The following PGM5 variants were observed in gnomAD, a reference collection of about 807,000 sequenced individuals.
The protein encoded by PGM5 is phosphoglucomutase 5.
Under a neutral mutation model 59.2 loss-of-function variants are expected in PGM5, and 23 were observed. The observed-to-expected ratio is 0.39, with a 90% CI of 0.28 to 0.55. PGM5 has a LOEUF of 0.55. PGM5 is among the 20% of genes least tolerant of loss of function. The pLI, the probability that PGM5 is intolerant of heterozygous loss-of-function variation, is 0.66. For missense variants in PGM5, 574 were observed against 748.3 expected (o/e 0.77, Z 2.72); for synonymous variants, 214 against 286.0 (o/e 0.75, Z 2.54).
intron 6 of PGM5, among the ~76,000 whole-genome samples, chr9:68,444,581 C>A (rs1189409950): frequency 6.6e-6 from 1 of 152,198 alleles, no homozygotes; most frequent in Non-Finnish European, 1.5e-5. Context: ...TTCCCCCATT[C>A]TCACTTCACT....
intron 6 of PGM5, among the ~76,000 whole-genome samples, chr9:68,404,755 G>A (rs1357896703): frequency 1.3e-5 from 2 of 152,162 alleles, no homozygotes; most frequent in Admixed American, 6.5e-5. Flanking sequence ...CTCCTTGTAA[G>A]TTGATGCCTG....
chr9:68,443,021 C>T (rs1203671053), intron 6 of PGM5, among the ~76,000 whole-genome samples: 1 of 152,162 alleles, frequency 6.6e-6, no homozygotes, highest in Non-Finnish European at 1.5e-5. Context: ...AGATGCTTAC[C>T]ATATGACCCT....
At chr9:68,484,602 A>C (rs1190147881) in intron 9 of PGM5, among the ~76,000 whole-genome samples, 2 of 151,732 alleles carry the variant, frequency 1.3e-5, no homozygotes, top group Admixed American at 1.3e-4. Context: ...AAAAAACAAA[A>C]AAAAAAACAA....
chr9:68,527,138 T>A (rs1046271435), intron 10 of PGM5, among the ~76,000 whole-genome samples: 4 of 152,176 alleles, frequency 2.6e-5, no homozygotes, highest in Non-Finnish European at 4.4e-5. Context: ...TCTCTGGTGT[T>A]TACAGTATTT....
intron 7 of PGM5, among the ~76,000 whole-genome samples, chr9:68,474,188 C>T (rs1283442732): frequency 6.6e-6 from 1 of 152,102 alleles, no homozygotes; most frequent in Non-Finnish European, 1.5e-5. Flanking sequence ...TTTTTAAAAT[C>T]TCCTTGGGTG....
intron 3 of PGM5, 113 bp downstream of exon 3, chr9:68,384,657 C>G (rs2132001428): frequency 1.5e-6 from 1 of 675,368 alleles, no homozygotes. Flanking sequence ...TCAGGGGTGA[C>G]TCGATAAATG....
rs1188498321 is a variant in PGM5 at position 68,437,950 on chromosome 9, A to G, written c.1044-27143A>G. 1.3e-5 allele frequency among the ~76,000 whole-genome samples: 2 copies of G among 152,022 alleles called. No individual in the cohort carries two copies. Among genetic ancestry groups the G allele is most frequent in the African/African-American group, 4.8e-5 (2 of 41,362 alleles). On this transcript the variant is annotated intron_variant, in intron 6 of 10. Coordinates refer to ENST00000396396, the MANE Select transcript of PGM5 (RefSeq NM_021965.4). The surrounding 1 kb of genome is among the most constrained non-coding windows in gnomAD (Gnocchi z 4.1). ...TATCCAGCTGGCTGCTTTACCACAC[A>G]TCACGTGCTTGGCTCATGGAGACAT...
chr9:68,493,283 A>G (rs1457081812), intron 9 of PGM5, among the ~76,000 whole-genome samples: 2 of 152,244 alleles, frequency 1.3e-5, no homozygotes, highest in Non-Finnish European at 2.9e-5. Context: ...TTAAAATTAA[A>G]AAAATAGTAA....
chr9:68,469,172 C>T (rs1226202855), intron 7 of PGM5, among the ~76,000 whole-genome samples: 1 of 152,216 alleles, frequency 6.6e-6, no homozygotes, highest in Non-Finnish European at 1.5e-5. Context: ...CCCACCTTGG[C>T]CTCCGAAAGT....
intron 1 of PGM5, among the ~76,000 whole-genome samples, chr9:68,376,733 C>T (rs568766364): frequency 4.0e-5 from 6 of 151,644 alleles, no homozygotes; most frequent in South Asian, 2.1e-4. Context: ...GGTTCTTATT[C>T]GGTAGGCCTT....
chr9:68,470,832 G>T (rs926470590), intron 7 of PGM5, among the ~76,000 whole-genome samples: 1 of 152,164 alleles, frequency 6.6e-6, no homozygotes, highest in South Asian at 2.1e-4. Context: ...TCTCTGTGGG[G>T]CTATTTGAAA....
At chr9:68,475,891 T>G (rs1436916056) in intron 7 of PGM5, among the ~76,000 whole-genome samples, 7 of 152,126 alleles carry the variant, frequency 4.6e-5, no homozygotes, top group Non-Finnish European at 8.8e-5. Flanking sequence ...CATGGTGGTG[T>G]GCACCTTGAG....
At position 68,529,685 on chromosome 9, in the gene PGM5, AAG is replaced by A. The variant is rs765235674; in HGVS notation, c.*34_*35del. 7.1e-7 allele frequency: 1 copy of A among 1,408,258 alleles called. No individual in the cohort carries two copies. Among genetic ancestry groups the A allele is most frequent in the South Asian group, 1.2e-5 (1 of 80,672 alleles). The allele number at this position is 1,408,258 out of a possible 1,614,324, so 87.2% of individuals were successfully genotyped here. ...GAGGAAAGATCACTCACCAGGGCCAAAGAGAGTGCTCAGCGGGAGATGCTTCA... is the reference window on the plus strand; with the variant it reads ...GAGGAAAGATCACTCACCAGGGCCAAAGAGTGCTCAGCGGGAGATGCTTCA... On this transcript the variant is annotated 3_prime_UTR_variant, in exon 11 of 11. Transcript: ENST00000396396.
chr9:68,362,859 CTTTTTCT>C (rs1834605069), intron 1 of PGM5, among the ~76,000 whole-genome samples: 4 of 134,658 alleles, frequency 3.0e-5, no homozygotes, highest in African/African-American at 1.1e-4. Flanking sequence ...CTGACTTTTT[CTTTTTCT>C]TTTTTTTTTT....
At chr9:68,374,695 A>AT (rs1563983784) in intron 1 of PGM5, among the ~76,000 whole-genome samples, 2 of 151,268 alleles carry the variant, frequency 1.3e-5, no homozygotes, top group African/African-American at 4.9e-5. Flanking sequence ...TCTTCAAGGT[A>AT]TTTTTTCCAG....
chr9:68,506,116 T>TAA (rs1554689003), intron 10 of PGM5, among the ~76,000 whole-genome samples: 2 of 152,230 alleles, frequency 1.3e-5, no homozygotes, highest in East Asian at 3.8e-4. Flanking sequence ...GCTGCCTCCT[T>TAA]ACATAATTTA....
chr9:68,402,451 T>C (rs1468933004), intron 6 of PGM5: 2 of 152,266 alleles, frequency 1.3e-5, no homozygotes, highest in South Asian at 2.1e-4. Flanking sequence ...TAGAGGTTTG[T>C]ATTTACTAGA....
Position 68,446,597 on chromosome 9 carries a change from C to T in PGM5, c.1044-18496C>T, listed in dbSNP as rs782747689. 3.3e-5 allele frequency among the ~76,000 whole-genome samples: 5 copies of T among 152,206 alleles called. No homozygotes were observed. The East Asian group carries it at 7.7e-4, about 23-fold the overall frequency. ...TGTGTATATGTGTTTAATGGGGAAA[C>T]GAAGGCTAGGAAAGGAGGGAGATAA... is the stretch of plus-strand genomic sequence containing the variant. On this transcript the variant is annotated intron_variant, in intron 6 of 10. Transcript: ENST00000396396.
At chr9:68,390,717 C>T (rs546406979) in intron 4 of PGM5, among the ~76,000 whole-genome samples, 244 of 152,262 alleles carry the variant, frequency 1.6e-3, no homozygotes, top group African/African-American at 4.3e-3. Flanking sequence ...AATGTTCCTT[C>T]GATTTAGATG....
Sources: gnomAD v4.1 joint callset for allele counts (sites outside exome capture counted in the v4.1 genomes callset) on GRCh38, gnomAD v4.1.1 for gene constraint, Gnocchi (gnomAD v3.1) non-coding constraint, MANE v1.5 for transcripts, NCBI Gene and HGNC (gene_info 2026-07-23, HGNC 2026-07-21) for gene names.